Variants in EBF2 observed in about 807,000 individuals in gnomAD.
The protein encoded by EBF2 is transcription factor COE2.
EBF2 carries 21 observed loss-of-function variants against 72.8 expected under a neutral mutation model. The ratio of observed to expected loss-of-function variants is 0.29; its 90% CI spans 0.20 to 0.42. The LOEUF is 0.42. Ranked by LOEUF, EBF2 falls within the 10% of genes least tolerant of loss-of-function variation. The pLI is 1.00. For missense variants in EBF2, 637 were observed against 731.2 expected (o/e 0.87, Z 1.49); for synonymous variants, 299 against 274.2 (o/e 1.09, Z -0.89).
At chr8:25,916,934 G>A (rs1390728727) in intron 6 of EBF2, among the ~76,000 whole-genome samples, 1 of 152,086 alleles carries the variant, frequency 6.6e-6, no homozygotes, top group Non-Finnish European at 1.5e-5. Flanking sequence ...CATTCATTTA[G>A]ACATCAGGAA....
rs1237504397 is a variant in EBF2 at position 25,844,245 on chromosome 8, A to G, written c.*364T>C. The G allele has an allele frequency of 6.1e-6, 1 of 163,934 alleles. No individual in the cohort carries two copies. The highest frequency in any genetic ancestry group is 2.4e-5 in the African/African-American group (1 of 41,936). The allele number at this position is 163,934 out of a possible 1,614,324, so 10.2% of individuals were successfully genotyped here. On this transcript the variant is annotated 3_prime_UTR_variant, in exon 16 of 16. Transcript: ENST00000520164. ...AAACTTTCAACTTTTTTTTCCTACAAAGAAAAACAAATAGTATCCAAAATA... is the reference window on the plus strand; with the variant it reads ...AAACTTTCAACTTTTTTTTCCTACAGAGAAAAACAAATAGTATCCAAAATA...
chr8:25,866,143 A>G (rs959712435), intron 10 of EBF2, among the ~76,000 whole-genome samples: 1 of 151,892 alleles, frequency 6.6e-6, no homozygotes, highest in African/African-American at 2.4e-5. Flanking sequence ...ACTTACAGTG[A>G]TCATTTTGTC....
intron 10 of EBF2, among the ~76,000 whole-genome samples, chr8:25,881,628 G>C (rs1287817393): frequency 1.3e-5 from 2 of 152,226 alleles, no homozygotes; most frequent in Non-Finnish European, 2.9e-5. Context: ...CTGGTCCCTG[G>C]CTAGGGCTCC....
At chr8:25,974,827 G>A (rs759663319) in intron 6 of EBF2, among the ~76,000 whole-genome samples, 12 of 151,700 alleles carry the variant, frequency 7.9e-5, no homozygotes, top group Non-Finnish European at 1.3e-4. Flanking sequence ...TTTGAGATCC[G>A]GGGAGACTTC....
At chr8:26,029,317 C>T (rs748491816) in intron 6 of EBF2, among the ~76,000 whole-genome samples, 16 of 152,210 alleles carry the variant, frequency 1.1e-4, no homozygotes, top group Admixed American at 5.2e-4. Flanking sequence ...CTGATTATCT[C>T]ATCCCAATCA....
intron 6 of EBF2, among the ~76,000 whole-genome samples, chr8:26,007,909 A>C (rs923897799): frequency 6.6e-6 from 1 of 152,108 alleles, no homozygotes; most frequent in Non-Finnish European, 1.5e-5. Context: ...CTAAAAAAAA[A>C]AAAATAATAA....
At chr8:26,021,124 A>G (rs1391480477) in intron 6 of EBF2, among the ~76,000 whole-genome samples, 3 of 152,212 alleles carry the variant, frequency 2.0e-5, no homozygotes, top group African/African-American at 2.4e-5. Flanking sequence ...CTAAGCAAAA[A>G]CAATCCAGGG....
intron 6 of EBF2, among the ~76,000 whole-genome samples, chr8:25,932,379 TAAAAA>T (rs10712503): frequency 6.9e-6 from 1 of 145,900 alleles, no homozygotes. Flanking sequence ...GTCTCTTGAT[TAAAAA>T]AAAAAAAAAG....
chr8:25,865,147 G>A (rs1025347552), intron 10 of EBF2, among the ~76,000 whole-genome samples: 3 of 151,840 alleles, frequency 2.0e-5, no homozygotes, highest in African/African-American at 7.3e-5. Context: ...TAACCTTAGG[G>A]AAATTTCAAA....
chr8:25,973,219 C>G (rs1351217499), intron 6 of EBF2, among the ~76,000 whole-genome samples: 4 of 151,990 alleles, frequency 2.6e-5, no homozygotes, highest in Non-Finnish European at 5.9e-5. Context: ...CTTGGGCAGA[C>G]TTAAAAAAAT....
intron 6 of EBF2, among the ~76,000 whole-genome samples, chr8:25,917,412 T>C (rs1466264262): frequency 6.6e-6 from 1 of 152,206 alleles, no homozygotes; most frequent in Admixed American, 6.5e-5. Context: ...AGCATGTTTG[T>C]AATTCTAATT....
chr8:25,972,130 G>C (rs1434468575), intron 6 of EBF2, among the ~76,000 whole-genome samples: 1 of 152,238 alleles, frequency 6.6e-6, no homozygotes, highest in East Asian at 1.9e-4. Context: ...GAGAGCTAGG[G>C]TGCAGAAATC....
In EBF2 at chr8:26,044,764, A is replaced by G. The variant is rs767109609; in HGVS notation, c.96T>C (p.Asn32=). ...EMDSVRSWVR[N]VGVVDANVAA... ...CGACATTAGCGTCCACCACTCCGAC[A>G]TTCCGGACCCAGGACCTGACCGAAT... The change falls in exon 1 of 16, where the codon AAT becomes AAC. Residue 32 remains asparagine (N), a synonymous_variant. Coordinates refer to ENST00000520164, the MANE Select transcript of EBF2 (RefSeq NM_022659.4). This position sits in a 1 kb window ranked among gnomAD's most constrained non-coding sequence, Gnocchi z 4.1. 1.2e-6 allele frequency: 2 copies of G among 1,614,152 alleles called. No homozygotes were observed. Among genetic ancestry groups the G allele is most frequent in the East Asian group, 2.2e-5 (1 of 44,868 alleles).
At chr8:26,002,721 T>C (rs1013772508) in intron 6 of EBF2, among the ~76,000 whole-genome samples, 1 of 152,174 alleles carries the variant, frequency 6.6e-6, no homozygotes, top group Non-Finnish European at 1.5e-5. Context: ...AGGGTAGTAA[T>C]GGCCCGATTC....
At chr8:25,882,529 A>G (rs1344009224) in intron 10 of EBF2, among the ~76,000 whole-genome samples, 1 of 152,130 alleles carries the variant, frequency 6.6e-6, no homozygotes, top group Non-Finnish European at 1.5e-5. Flanking sequence ...TTGACCGTGG[A>G]AATCAGTAAA....
chr8:25,999,444 C>CA (rs1804686070), intron 6 of EBF2, among the ~76,000 whole-genome samples: 1 of 152,200 alleles, frequency 6.6e-6, no homozygotes, highest in Admixed American at 6.5e-5. Flanking sequence ...TGAAAACTCT[C>CA]ATCTGACGAA....
intron 6 of EBF2, among the ~76,000 whole-genome samples, chr8:25,960,457 T>C (rs913536238): frequency 1.3e-5 from 2 of 152,150 alleles, no homozygotes; most frequent in African/African-American, 2.4e-5. Flanking sequence ...TATGTACACA[T>C]GAACAAATAG....
intron 6 of EBF2, among the ~76,000 whole-genome samples, chr8:25,989,915 T>C (rs1323924497): frequency 1.3e-5 from 2 of 152,194 alleles, no homozygotes; most frequent in Admixed American, 1.3e-4. Context: ...ACCAGTTCAC[T>C]TGGCCTAGGG....
intron 6 of EBF2, among the ~76,000 whole-genome samples, chr8:25,922,693 C>T (rs181668157): frequency 9.2e-5 from 14 of 152,338 alleles, no homozygotes; most frequent in Admixed American, 5.9e-4. Flanking sequence ...GGCTCTGTCA[C>T]CTTCTACTGC....
Sources: gnomAD v4.1 joint callset for allele counts (sites outside exome capture counted in the v4.1 genomes callset) on GRCh38, gnomAD v4.1.1 for gene constraint, Gnocchi (gnomAD v3.1) non-coding constraint, MANE v1.5 for transcripts, NCBI Gene and HGNC (gene_info 2026-07-23, HGNC 2026-07-21) for gene names.